Variants in TENM2 observed in about 807,000 individuals in gnomAD.
TENM2 encodes teneurin-2.
TENM2 carries 52 observed loss-of-function variants against 245.2 expected under a neutral mutation model. The ratio of observed to expected loss-of-function variants is 0.21; its 90% CI spans 0.17 to 0.27. The LOEUF is 0.27. Ranked by LOEUF, TENM2 falls within the 10% of genes least tolerant of loss-of-function variation. TENM2 has a pLI of 1.00. For synonymous variants in TENM2, 1,363 were observed against 1,438.9 expected, an observed-to-expected ratio of 0.95 and a Z score of 1.19; for missense variants, 3,046 against 3,666.8, an observed-to-expected ratio of 0.83 and a Z score of 4.37.
At chr5:167,039,635 C>CA in the TENM2 span, among the ~76,000 whole-genome samples, 1 of 151,486 alleles carries the variant, frequency 6.6e-6, no homozygotes, top group Non-Finnish European at 1.5e-5. Context: ...GTTGCAGTGA[C>CA]ATCAGACTTT....
chr5:167,664,986 T>C (rs1177921685), intron 2 of TENM2, among the ~76,000 whole-genome samples: 1 of 152,226 alleles, frequency 6.6e-6, no homozygotes, highest in Non-Finnish European at 1.5e-5. Context: ...GAAGTCCTTT[T>C]AAAATATGAT....
intron 20 of TENM2, among the ~76,000 whole-genome samples, chr5:168,213,797 G>A (rs566268643): frequency 2.6e-5 from 4 of 152,294 alleles, no homozygotes; most frequent in African/African-American, 7.2e-5. Context: ...TTGTGCCACT[G>A]CTCTCCAATG....
chr5:167,821,306 C>T (rs1767506578), intron 2 of TENM2: 1 of 152,182 alleles, frequency 6.6e-6, no homozygotes, highest in Non-Finnish European at 1.5e-5. Flanking sequence ...AATTACATTC[C>T]TACCGATTTG....
rs182013317 is a variant in TENM2 at position 167,349,366 on chromosome 5, T to C, written c.227-25832T>C. Among the ~76,000 whole-genome samples the C allele has an allele frequency of 1.9e-4, 29 of 152,314 alleles. 1 individual carries two copies. The East Asian group carries it at 4.8e-3, about 25-fold the overall frequency. The stretch of plus-strand genomic sequence containing the variant: ...TGGGATTTATAGAGACCAGGAAATA[T>C]ACCCAAGGTCCCAGAGCTAAGAAGC... On this transcript the variant is annotated intron_variant, in intron 1 of 28. Coordinates refer to ENST00000518659, the Ensembl canonical transcript of TENM2.
intron 2 of TENM2, among the ~76,000 whole-genome samples, chr5:167,458,176 A>C (rs915802161): frequency 3.3e-5 from 5 of 152,092 alleles, no homozygotes; most frequent in Admixed American, 6.6e-5. Flanking sequence ...AATTTTTATC[A>C]TTTGTTTAAG....
chr5:168,247,283 A>G lies in TENM2; in HGVS notation c.6344A>G (p.Asp2115Gly), dbSNP rs1015868738. ...ATAAGTGAGACTCCCCTCCCCGTTGACCTCTACCGCTATGATGAGATTTCT... is the reference window on the plus strand; with the variant it reads ...ATAAGTGAGACTCCCCTCCCCGTTGGCCTCTACCGCTATGATGAGATTTCT... Residue 2115 changes from aspartate to glycine, a missense_variant, in exon 27 of 29, where the codon GAC (aspartate) becomes GGC (glycine). This residue lies in a region of TENM2 where 2,704 missense variants were observed against 3,331.9 expected (regional missense o/e 0.81). Transcript: ENST00000518659. The surrounding 1 kb of genome is among the most constrained non-coding windows in gnomAD (Gnocchi z 7.8). 1.2e-6 allele frequency: 2 copies of G among 1,613,746 alleles called. No homozygotes were observed. Among genetic ancestry groups the G allele is most frequent in the African/African-American group, 1.3e-5 (1 of 74,954 alleles).
At chr5:167,659,583 G>T (rs980190441) in intron 2 of TENM2, among the ~76,000 whole-genome samples, 1 of 152,100 alleles carries the variant, frequency 6.6e-6, no homozygotes, top group South Asian at 2.1e-4. Context: ...TTTATTTCAG[G>T]CATTCCTTTA....
intron 21 of TENM2, among the ~76,000 whole-genome samples, 189 bp from the exon 24 acceptor site, chr5:168,216,579 C>A (rs1763217260): frequency 6.6e-6 from 1 of 152,106 alleles, no homozygotes; most frequent in Non-Finnish European, 1.5e-5. Context: ...CTATACAAAT[C>A]CCAGCACAGT....
At chr5:167,935,952 G>A (rs1778675681) in intron 3 of TENM2, among the ~76,000 whole-genome samples, 1 of 151,996 alleles carries the variant, frequency 6.6e-6, no homozygotes, top group Admixed American at 6.6e-5. Flanking sequence ...TTGCCGAGCT[G>A]TGAGCACCCT....
intron 5 of TENM2, among the ~76,000 whole-genome samples, chr5:168,002,845 T>C (rs1392643114): frequency 6.6e-6 from 1 of 152,230 alleles, no homozygotes; most frequent in Non-Finnish European, 1.5e-5. Context: ...CTTTGGCATA[T>C]GATTGGCTGG....
intron 8 of TENM2, among the ~76,000 whole-genome samples, chr5:168,092,278 A>G (rs1209245223): frequency 4.6e-5 from 7 of 152,202 alleles, no homozygotes; most frequent in African/African-American, 1.4e-4. Context: ...GACTGACCCT[A>G]TCAAAGCTGG....
intron 2 of TENM2, among the ~76,000 whole-genome samples, chr5:167,731,106 T>C (rs1760395217): frequency 6.6e-6 from 1 of 151,992 alleles, no homozygotes; most frequent in Non-Finnish European, 1.5e-5. Context: ...CATTCCACCC[T>C]TGAAAGATGC....
chr5:167,018,996 C>G, the TENM2 span, among the ~76,000 whole-genome samples: 26 of 152,268 alleles, frequency 1.7e-4, no homozygotes, highest in East Asian at 4.6e-3. Flanking sequence ...GTTTAAAAAT[C>G]TTGCCTAAAT....
At chr5:167,850,932 T>A (rs1041683268) in intron 2 of TENM2, among the ~76,000 whole-genome samples, 12 of 152,200 alleles carry the variant, frequency 7.9e-5, no homozygotes, top group African/African-American at 2.9e-4. Context: ...AACTCTGAAT[T>A]TTCTCATGTT....
intron 2 of TENM2, among the ~76,000 whole-genome samples, chr5:167,460,755 TA>T (rs1278564668): frequency 1.3e-5 from 2 of 152,296 alleles, no homozygotes; most frequent in East Asian, 3.9e-4. Flanking sequence ...AAATGTGCTT[TA>T]AAAAATCAAC....
At chr5:167,748,190 T>C (rs1761717940) in intron 2 of TENM2, among the ~76,000 whole-genome samples, 1 of 152,204 alleles carries the variant, frequency 6.6e-6, no homozygotes, top group Non-Finnish European at 1.5e-5. Context: ...TTTATTTCTC[T>C]TTTTTGGTAA....
chr5:167,590,664 C>G (rs1221546109), intron 2 of TENM2, among the ~76,000 whole-genome samples: 1 of 151,896 alleles, frequency 6.6e-6, no homozygotes, highest in African/African-American at 2.4e-5. Context: ...TGGTGCCATG[C>G]CTCAGTAGTA....
chr5:168,004,354 A>G (rs993445782), intron 5 of TENM2, among the ~76,000 whole-genome samples: 8 of 152,186 alleles, frequency 5.3e-5, no homozygotes, highest in African/African-American at 1.9e-4. Flanking sequence ...AACTGCCTGC[A>G]CTTGGGAGAG....
chr5:167,027,183 T>C, the TENM2 span, among the ~76,000 whole-genome samples: 78 of 152,272 alleles, frequency 5.1e-4, no homozygotes, highest in Middle Eastern at 6.8e-3. Flanking sequence ...ATAGGATGGG[T>C]TGGGGGATAT....
Sources: allele counts gnomAD v4.1 joint callset (sites outside exome capture counted in the v4.1 genomes callset), GRCh38; gene constraint gnomAD v4.1.1; regional missense constraint gnomAD v4.1.1; non-coding constraint Gnocchi (gnomAD v3.1); transcripts MANE v1.5; gene names NCBI Gene and HGNC (gene_info 2026-07-23, HGNC 2026-07-21).